The following IL1RAPL2 variants were observed in gnomAD, a reference collection of about 807,000 sequenced individuals.
The protein encoded by IL1RAPL2 is interleukin 1 receptor accessory protein like 2, also known as X-linked interleukin-1 receptor accessory protein-like 2.
In IL1RAPL2, 3 loss-of-function variants were observed where a neutral mutation model predicts 44.1. The observed-to-expected ratio is 0.07, with a 90% CI of 0.03 to 0.18. The LOEUF is 0.18. IL1RAPL2 is among the 10% of genes least tolerant of loss of function. IL1RAPL2 has a pLI of 1.00. For synonymous variants in IL1RAPL2, 181 were observed against 178.8 expected (o/e 1.01, Z -0.10); for missense variants, 391 against 496.4 (o/e 0.79, Z 2.02).
intron 2 of IL1RAPL2, among the ~76,000 whole-genome samples, chrX:104,764,739 A>AT (rs776457233): frequency 3.6e-5 from 4 of 111,591 alleles, no homozygotes; most frequent in Non-Finnish European, 7.5e-5. Context: ...TTCTATCCCC[A>AT]TTTTTTTGGG....
At chrX:104,898,842 C>T (rs988538664) in intron 2 of IL1RAPL2, among the ~76,000 whole-genome samples, 2 of 87,439 alleles carry the variant, frequency 2.3e-5, no homozygotes, top group Non-Finnish European at 5.2e-5. Context: ...GATACTCTTC[C>T]ATTAGCACTG....
At chrX:104,899,520 C>T (rs965180086) in intron 2 of IL1RAPL2, among the ~76,000 whole-genome samples, 2 of 111,707 alleles carry the variant, frequency 1.8e-5, no homozygotes, top group Non-Finnish European at 3.8e-5. Context: ...TTTCTGTGTT[C>T]TGAGTAAACC....
intron 2 of IL1RAPL2, among the ~76,000 whole-genome samples, chrX:104,883,912 C>T (rs1025794897): frequency 4.5e-5 from 5 of 111,956 alleles, no homozygotes; most frequent in Non-Finnish European, 9.4e-5. Flanking sequence ...ATCACTCTTC[C>T]AACTCTGGAG....
chrX:105,589,234 AT>A (rs766546468), intron 6 of IL1RAPL2, among the ~76,000 whole-genome samples: 2 of 109,931 alleles, frequency 1.8e-5, no homozygotes, highest in African/African-American at 6.6e-5. Flanking sequence ...TAATGGGGTA[AT>A]TTTTTTTCTT....
intron 2 of IL1RAPL2, among the ~76,000 whole-genome samples, chrX:105,193,140 T>C (rs2033646382): frequency 8.9e-6 from 1 of 111,929 alleles, no homozygotes; most frequent in Admixed American, 9.5e-5. Flanking sequence ...TGTAGAATTA[T>C]GCAATAGATC....
chrX:104,948,807 G>C (rs1202379389), intron 2 of IL1RAPL2, among the ~76,000 whole-genome samples: 2 of 109,427 alleles, frequency 1.8e-5, no homozygotes, highest in Non-Finnish European at 3.8e-5. Flanking sequence ...ATGTGCTGCT[G>C]GATTCGGTTT....
intron 2 of IL1RAPL2, among the ~76,000 whole-genome samples, chrX:105,012,668 C>CAG (rs2031081181): frequency 2.4e-5 from 2 of 83,848 alleles, no homozygotes; most frequent in African/African-American, 4.8e-5. Context: ...CACACACACA[C>CAG]ACACACAGAG....
chrX:104,615,595 A>G (rs1009165241), intron 1 of IL1RAPL2, among the ~76,000 whole-genome samples: 36 of 111,801 alleles, frequency 3.2e-4, no homozygotes, highest in African/African-American at 9.1e-4. Flanking sequence ...TCCATGGTGT[A>G]CATTACCACA....
chrX:104,991,744 C>T (rs1163438172), intron 2 of IL1RAPL2, among the ~76,000 whole-genome samples: 1 of 111,504 alleles, frequency 9.0e-6, no homozygotes, highest in Non-Finnish European at 1.9e-5. Flanking sequence ...AAAATAGGGT[C>T]CCTGCCTACC....
chrX:105,323,220 C>A (rs914789046), intron 5 of IL1RAPL2, among the ~76,000 whole-genome samples: 2 of 112,393 alleles, frequency 1.8e-5, no homozygotes, highest in Non-Finnish European at 3.8e-5. Context: ...CAAAATATAT[C>A]TTTTAGTGTG....
intron 1 of IL1RAPL2, among the ~76,000 whole-genome samples, chrX:104,618,320 G>A (rs1041581918): frequency 1.8e-5 from 2 of 112,413 alleles, no homozygotes; most frequent in African/African-American, 6.5e-5. Flanking sequence ...TGAGCTCCCT[G>A]CTCAGGCCGG....
At chrX:105,480,623 C>T (rs957716249) in intron 5 of IL1RAPL2, among the ~76,000 whole-genome samples, 4 of 112,025 alleles carry the variant, frequency 3.6e-5, no homozygotes, top group African/African-American at 1.3e-4. Flanking sequence ...CCTTGAGGTC[C>T]AGGATAAAAT....
Position 104,610,430 on chromosome X carries a change from A to G in IL1RAPL2, c.-20+43379A>G, listed in dbSNP as rs1443115747. Among the ~76,000 whole-genome samples the G allele has an allele frequency of 2.7e-5, 3 of 112,166 alleles. No individual in the cohort carries two copies. In the Admixed American group the frequency reaches 2.8e-4, roughly 11 times the overall value. Reference sequence around the variant, plus strand: ...CCTTAAGCTGATAAGCAACTTCAGCAAAGTCTCAGGATACAAAATCAATGT... The same window carrying G: ...CCTTAAGCTGATAAGCAACTTCAGCGAAGTCTCAGGATACAAAATCAATGT... On this transcript the variant is annotated intron_variant, in intron 1 of 10. Transcript: ENST00000372582.
At chrX:104,946,706 A>C (rs939894646) in intron 2 of IL1RAPL2, among the ~76,000 whole-genome samples, 4 of 101,000 alleles carry the variant, frequency 4.0e-5, no homozygotes, top group East Asian at 3.2e-4. Context: ...GAGAATGATG[A>C]TTTCCAATTT....
At chrX:105,338,679 GAA>G (rs979173334) in intron 5 of IL1RAPL2, among the ~76,000 whole-genome samples, 6 of 112,191 alleles carry the variant, frequency 5.3e-5, no homozygotes, top group Non-Finnish European at 1.1e-4. Context: ...TACTGCATTT[GAA>G]AAGAGTCAGG....
chrX:105,546,154 G>T (rs902028420), intron 6 of IL1RAPL2, among the ~76,000 whole-genome samples: 1 of 111,273 alleles, frequency 9.0e-6, no homozygotes, highest in Non-Finnish European at 1.9e-5. Context: ...TGGCTGAGAT[G>T]GGGTTGGGGG....
chrX:104,570,770 C>A (rs1928130299), intron 1 of IL1RAPL2, among the ~76,000 whole-genome samples: 1 of 111,569 alleles, frequency 9.0e-6, no homozygotes, highest in African/African-American at 3.3e-5. Context: ...ATTTAGTAGC[C>A]TTCTTGCTTT....
At chrX:105,221,891 A>C (rs1406568206) in intron 3 of IL1RAPL2, among the ~76,000 whole-genome samples, 2 of 111,765 alleles carry the variant, frequency 1.8e-5, no homozygotes, top group Admixed American at 1.9e-4. Context: ...GTCAACTAAG[A>C]GACAAAATCT....
chrX:105,449,389 C>T (rs1248866372), intron 5 of IL1RAPL2, among the ~76,000 whole-genome samples: 2 of 110,665 alleles, frequency 1.8e-5, no homozygotes, highest in South Asian at 7.6e-4. Context: ...TCGAGACCAT[C>T]CTGGCTAACA....
Sources: allele counts gnomAD v4.1 joint callset (sites outside exome capture counted in the v4.1 genomes callset), GRCh38; gene constraint gnomAD v4.1.1; transcripts MANE v1.5; gene names NCBI Gene and HGNC (gene_info 2026-07-23, HGNC 2026-07-21).